Variants in TRDN observed in about 807,000 individuals in gnomAD.
TRDN encodes triadin in skeletal muscle.
Under a neutral mutation model 149.7 loss-of-function variants are expected in TRDN, and 161 were observed. The ratio of observed to expected loss-of-function variants is 1.08; its 90% CI spans 0.95 to 1.23. The LOEUF (loss-of-function observed/expected upper bound fraction) is 1.23, where lower values mean the gene tolerates loss of function less well. TRDN is among the 50% of genes most tolerant of loss of function. TRDN has a pLI of 0.00. For synonymous variants in TRDN, 294 were observed against 250.5 expected, an observed-to-expected ratio of 1.17 and a Z score of -1.64; for missense variants, 896 against 823.5, an observed-to-expected ratio of 1.09 and a Z score of -1.08.
Position 123,476,645 on chromosome 6 carries a change from C to T in TRDN, c.854-11662G>A, listed in dbSNP as rs1463982791. Among the ~76,000 whole-genome samples the T allele has an allele frequency of 2.9e-3, 430 of 148,116 alleles. 1 individual carries two copies. The highest frequency in any genetic ancestry group is 0.01 in the African/African-American group (421 of 40,558). Reference sequence around the variant, plus strand: ...GAACAAAGCTGGAGGCATCACACTACCTGACTTCAAACTATACTACAAGGC... The same window carrying T: ...GAACAAAGCTGGAGGCATCACACTATCTGACTTCAAACTATACTACAAGGC... On this transcript the variant is annotated intron_variant, in intron 9 of 40. Coordinates refer to ENST00000334268, the MANE Select transcript of TRDN (RefSeq NM_006073.4).
chr6:123,297,661 GA>G, intron 24 of TRDN, among the ~76,000 whole-genome samples: 1 of 151,996 alleles, frequency 6.6e-6, no homozygotes, highest in South Asian at 2.1e-4. Context: ...CATAGCCACA[GA>G]AATAAGATTT....
intron 33 of TRDN, among the ~76,000 whole-genome samples, chr6:123,261,960 G>A (rs1776787571): frequency 6.6e-6 from 1 of 151,890 alleles, no homozygotes; most frequent in African/African-American, 2.4e-5. Context: ...GTCATGTGCT[G>A]TTAAGAAAAC....
chr6:123,415,523 T>C (rs1280780267), intron 12 of TRDN, among the ~76,000 whole-genome samples: 1 of 152,164 alleles, frequency 6.6e-6, no homozygotes, highest in Admixed American at 6.5e-5. Context: ...TAAACACCCA[T>C]GTAATGTTAA....
intron 1 of TRDN, among the ~76,000 whole-genome samples, chr6:123,589,873 C>G (rs1783697314): frequency 6.6e-6 from 1 of 152,134 alleles, no homozygotes; most frequent in Non-Finnish European, 1.5e-5. Context: ...AGTGCAAGAA[C>G]TAAGACCCAA....
intron 29 of TRDN, among the ~76,000 whole-genome samples, chr6:123,271,460 A>T (rs1376184527): frequency 1.3e-5 from 2 of 151,804 alleles, no homozygotes; most frequent in Non-Finnish European, 2.9e-5. Flanking sequence ...TTTTGCCTTC[A>T]CTGTATTTCA....
intron 1 of TRDN, among the ~76,000 whole-genome samples, chr6:123,613,868 C>G (rs1215171418): frequency 2.0e-5 from 3 of 152,052 alleles, no homozygotes; most frequent in Non-Finnish European, 4.4e-5. Context: ...CTTAAAAAGG[C>G]TCATATACAT....
intron 8 of TRDN, chr6:123,502,771 G>A (rs983160360): frequency 2.0e-6 from 2 of 984,862 alleles, no homozygotes; most frequent in African/African-American, 3.5e-5. Flanking sequence ...AGTCAAAAGT[G>A]CTACAAAGTA....
chr6:123,356,175 C>T (rs985557692), intron 20 of TRDN, among the ~76,000 whole-genome samples: 1 of 151,588 alleles, frequency 6.6e-6, no homozygotes, highest in Non-Finnish European at 1.5e-5. Context: ...AACTGGTGAT[C>T]GCAAACATCC....
At chr6:123,276,933 G>A (rs1777388762) in intron 26 of TRDN, among the ~76,000 whole-genome samples, 1 of 152,114 alleles carries the variant, frequency 6.6e-6, no homozygotes, top group Non-Finnish European at 1.5e-5. Context: ...TGAGCTAAGA[G>A]GACAGGGCCA....
intron 39 of TRDN, among the ~76,000 whole-genome samples, chr6:123,222,690 C>A (rs184172303): frequency 6.6e-6 from 1 of 151,720 alleles, no homozygotes; most frequent in East Asian, 2.0e-4. Flanking sequence ...TTATTGCCTG[C>A]AGACAAATTT....
chr6:123,386,231 A>C (rs1481497951), intron 14 of TRDN, among the ~76,000 whole-genome samples: 1 of 152,228 alleles, frequency 6.6e-6, no homozygotes, highest in East Asian at 1.9e-4. Flanking sequence ...AGAGAGATAC[A>C]AATGGAAGAT....
intron 2 of TRDN, among the ~76,000 whole-genome samples, chr6:123,560,030 A>C (rs1349484532): frequency 6.6e-6 from 1 of 152,182 alleles, no homozygotes; most frequent in East Asian, 1.9e-4. Context: ...TCTAGTCAGA[A>C]TTCTTACACA....
At chr6:123,433,922 A>T (rs2114580283) in intron 12 of TRDN, 1 of 152,322 alleles carries the variant, frequency 6.6e-6, no homozygotes, top group Admixed American at 6.5e-5. Flanking sequence ...TTCAAATATT[A>T]TAATCTAATC....
intron 19 of TRDN, among the ~76,000 whole-genome samples, chr6:123,371,912 T>C (rs2035501949): frequency 6.6e-6 from 1 of 152,114 alleles, no homozygotes; most frequent in Non-Finnish European, 1.5e-5. Context: ...GCACCAGCTG[T>C]GATACTATTA....
chr6:123,225,265 C>G (rs373774426), intron 38 of TRDN, among the ~76,000 whole-genome samples: 1 of 151,644 alleles, frequency 6.6e-6, no homozygotes, highest in East Asian at 1.9e-4. Flanking sequence ...AAAGGGAACT[C>G]TTGTTCACTT....
chr6:123,431,742 T>C (rs1327960085), intron 12 of TRDN, among the ~76,000 whole-genome samples: 2 of 152,174 alleles, frequency 1.3e-5, no homozygotes, highest in Non-Finnish European at 2.9e-5. Flanking sequence ...AATAGGTTTC[T>C]TTTAGTTACA....
At chr6:123,242,657 T>C (rs9490714) in intron 38 of TRDN, among the ~76,000 whole-genome samples, 106,672 of 151,874 alleles carry the variant, frequency 0.7, 38,891 homozygotes, top group Non-Finnish European at 0.81. Context: ...AGAGAAGTGA[T>C]AGGAAGCACC....
intron 24 of TRDN, among the ~76,000 whole-genome samples, chr6:123,307,328 T>G (rs996061660): frequency 2.0e-5 from 3 of 152,074 alleles, no homozygotes; most frequent in Admixed American, 2.0e-4. Flanking sequence ...CCAACACTTC[T>G]TATATCTGGG....
chr6:123,231,921 G>A (rs1775616858), intron 38 of TRDN, among the ~76,000 whole-genome samples: 1 of 152,036 alleles, frequency 6.6e-6, no homozygotes, highest in Non-Finnish European at 1.5e-5. Flanking sequence ...TTGGGATATG[G>A]AGAGGGTAGA....
Sources: allele counts gnomAD v4.1 joint callset (sites outside exome capture counted in the v4.1 genomes callset), GRCh38; gene constraint gnomAD v4.1.1; transcripts MANE v1.5; gene names NCBI Gene and HGNC (gene_info 2026-07-23, HGNC 2026-07-21).